KIF1B: variants seen among roughly 807,000 people sequenced by gnomAD.
KIF1B encodes kinesin family member 1B, also known as kinesin-like protein KIF1B.
A neutral mutation model predicts 241.9 loss-of-function variants in KIF1B; 76 were observed. The observed-to-expected ratio is 0.31, with a 90% CI of 0.26 to 0.38. The LOEUF (loss-of-function observed/expected upper bound fraction) is 0.38. KIF1B is among the 10% of genes least tolerant of loss of function. KIF1B has a pLI of 1.00. For missense variants in KIF1B, 1,622 were observed against 2,271.4 expected, an observed-to-expected ratio of 0.71 and a Z score of 5.81; for synonymous variants, 750 against 796.7, an observed-to-expected ratio of 0.94 and a Z score of 0.99.
chr1:10,330,322 A>G (rs1390789749), intron 27 of KIF1B, among the ~76,000 whole-genome samples: 2 of 152,260 alleles, frequency 1.3e-5, no homozygotes, highest in East Asian at 3.8e-4. Flanking sequence ...TCCCTGCCAT[A>G]GAATTACAGA....
At chr1:10,340,333 C>T (rs767928129) in intron 32 of KIF1B, among the ~76,000 whole-genome samples, 10 of 152,172 alleles carry the variant, frequency 6.6e-5, no homozygotes, top group Admixed American at 1.3e-4. Context: ...TGTATTCCTA[C>T]GTGGAGTAAG....
intron 22 of KIF1B, chr1:10,307,573 G>A: frequency 2.1e-6 from 2 of 952,766 alleles, no homozygotes; most frequent in Non-Finnish European, 2.5e-6. Flanking sequence ...GCCTCCCAAA[G>A]TGCTGAGATT....
At position 10,374,584 on chromosome 1, in the gene KIF1B, C is replaced by A; in HGVS notation, c.5096+119C>A. ...AGTCTGATGCAATCTGTACTGTAGT[C>A]TGATGCAAGTTGAGTCTGGGGTGAG... On this transcript the variant is annotated intron_variant, in intron 46 of 48. Transcript: ENST00000676179. This position sits in a 1 kb window ranked among gnomAD's most constrained non-coding sequence, Gnocchi z 4.3. The A allele has an allele frequency of 8.0e-7, 1 of 1,252,372 alleles. No homozygotes were observed. The highest frequency in any genetic ancestry group is 2.4e-5 in the East Asian group (1 of 42,536). 77.6% of individuals were successfully genotyped at this position (1,252,372 alleles called of 1,614,324 possible). A position where few individuals can be genotyped will look rare whatever the true frequency, so the allele number is the denominator to read the frequency against.
intron 1 of KIF1B, among the ~76,000 whole-genome samples, chr1:10,228,892 G>A (rs1404318686): frequency 6.6e-6 from 1 of 152,184 alleles, no homozygotes; most frequent in African/African-American, 2.4e-5. Context: ...GTTTCAAAGA[G>A]TAGTGACAAA....
intron 12 of KIF1B, 28 bp from the exon 13 acceptor site, chr1:10,277,958 C>G: frequency 1.9e-6 from 3 of 1,606,620 alleles, no homozygotes; most frequent in Non-Finnish European, 8.5e-7. Flanking sequence ...TGAGAAATGA[C>G]AAGAACAAAT....
Position 10,343,281 on chromosome 1 carries a change from A to G in KIF1B, c.3682A>G (p.Lys1228Glu). ...RFFPPPMPLSKPVPATKLNTM... is the reference protein window; with the variant it reads ...RFFPPPMPLSEPVPATKLNTM... ...CTTCCCTCCACCCATGCCACTGTCC[A>G]AGCCAGGTGAGCACTCGCTCCGCTT... is the stretch of plus-strand genomic sequence containing the variant. Residue 1228 changes from lysine (K) to glutamate (E), a missense_variant, in exon 34 of 49, where the codon AAG (lysine) becomes GAG (glutamate). Physicochemically the swap from Lys to Glu is moderately conservative, Grantham distance 56 (BLOSUM62 1). This residue lies in a region of KIF1B where 803 missense variants were observed against 1,112.0 expected (regional missense o/e 0.72). Transcript: ENST00000676179. The G allele has an allele frequency of 1.9e-6, 3 of 1,614,180 alleles. No individual in the cohort carries two copies. The highest frequency in any genetic ancestry group is 2.5e-6 in the Non-Finnish European group (3 of 1,180,012).
chr1:10,334,505 G>C lies in KIF1B; in HGVS notation c.2925-15G>C. 1 of 1,577,392 alleles carries C rather than the reference G, an allele frequency of 6.3e-7. No homozygotes were observed. The highest frequency in any genetic ancestry group is 8.7e-7 in the Non-Finnish European group (1 of 1,146,728). On this transcript the variant is annotated splice_polypyrimidine_tract_variant and intron_variant, in intron 27 of 48. Coordinates refer to ENST00000676179, the MANE Select transcript of KIF1B (RefSeq NM_001365951.3). ...ATGGATGTTCTGACATTTGTCTCCTGGTTTCTGTCTTTAGGGCATTTGTTT... is the reference window on the plus strand; with the variant it reads ...ATGGATGTTCTGACATTTGTCTCCTCGTTTCTGTCTTTAGGGCATTTGTTT...
chr1:10,223,919 T>C lies in KIF1B; in HGVS notation c.-79-8331T>C, dbSNP rs1646878472. The stretch of plus-strand genomic sequence containing the variant: ...GTTGTTTTGAGAAAGTAATTAAATA[T>C]AAACTTCTAAAAAGGATAGATGTTA... On this transcript the variant is annotated intron_variant, in intron 1 of 48. Transcript: ENST00000676179. 1.3e-5 allele frequency among the ~76,000 whole-genome samples: 2 copies of C among 152,202 alleles called. 1 individual carries two copies. Among genetic ancestry groups the C allele is most frequent in the South Asian group, 4.1e-4 (2 of 4,836 alleles).
intron 47 of KIF1B, 34 bp downstream of exon 47, chr1:10,375,080 A>T: frequency 6.2e-7 from 1 of 1,603,452 alleles, no homozygotes; most frequent in South Asian, 1.1e-5. Context: ...TCTTATTGCC[A>T]CGTGTGCCCT....
rs746129992 is a variant in KIF1B at position 10,303,312 on chromosome 1, T to G, written c.2115+6066T>G. On this transcript the variant is annotated intron_variant, in intron 22 of 48. Coordinates refer to ENST00000676179, the MANE Select transcript of KIF1B (RefSeq NM_001365951.3). The surrounding 1 kb of genome is among the most constrained non-coding windows in gnomAD (Gnocchi z 5.2). ...GCCTCCCAAGCAGTGGGAAGAAACG[T>G]GAACCAATTAAAATGTATCAGATAC... The G allele has an allele frequency of 1.1e-5, 18 of 1,614,056 alleles. No individual in the cohort carries two copies. In the Admixed American group the frequency reaches 1.7e-4, roughly 15 times the overall value.
chr1:10,314,458 C>T (rs1233949717), intron 22 of KIF1B, among the ~76,000 whole-genome samples: 24 of 151,174 alleles, frequency 1.6e-4, no homozygotes. Flanking sequence ...CTCGCTGTGT[C>T]CTCCAGGCTG....
intron 2 of KIF1B, among the ~76,000 whole-genome samples, chr1:10,253,692 T>A (rs928429206): frequency 6.6e-6 from 1 of 152,148 alleles, no homozygotes; most frequent in Non-Finnish European, 1.5e-5. Flanking sequence ...TCAGAGTAAG[T>A]GTTCTGTGAA....
chr1:10,216,952 A>ATTT (rs1557641590), intron 1 of KIF1B, among the ~76,000 whole-genome samples: 1 of 73,808 alleles, frequency 1.4e-5, no homozygotes, highest in Non-Finnish European at 2.6e-5. Context: ...GTACTTGCCC[A>ATTT]TTTTCTTTTT....
At position 10,365,619 on chromosome 1, in the gene KIF1B, G is replaced by A. The variant is rs756027011; in HGVS notation, c.4723G>A (p.Val1575Met). 9.9e-6 allele frequency: 16 copies of A among 1,614,036 alleles called. No individual in the cohort carries two copies. The East Asian group carries it at 3.6e-4, about 36-fold the overall frequency. The change falls in exon 43 of 49, where the codon GTG (valine) becomes ATG (methionine). Residue 1575 changes from valine (V) to methionine (M), a missense_variant. Physicochemically the swap from Val to Met is conservative, Grantham distance 21. Around this residue, in one of 7 missense-constraint regions of KIF1B, gnomAD observed 357 missense variants for 409.0 expected, o/e 0.87. Transcript: ENST00000676179. The surrounding 1 kb of genome is among the most constrained non-coding windows in gnomAD (Gnocchi z 4.0). ...TGATTCAGGAGACATCGAAAGCCTG[G>A]TGGACCGAGAGAAAGAGCTGGCTAC... ...GYDSGDIESLVDREKELATKC... is the reference protein window; with the variant it reads ...GYDSGDIESLMDREKELATKC...
intron 1 of KIF1B, among the ~76,000 whole-genome samples, chr1:10,223,893 G>C (rs1427541465): frequency 6.6e-6 from 1 of 152,084 alleles, no homozygotes; most frequent in Non-Finnish European, 1.5e-5. Flanking sequence ...TTTAGGTTTA[G>C]GTTGTTTTGA....
chr1:10,215,168 ATATATTTTTTTTTTTT>A (rs1332059158), intron 1 of KIF1B, among the ~76,000 whole-genome samples: 1 of 53,856 alleles, frequency 1.9e-5, no homozygotes, highest in African/African-American at 1.1e-4. Context: ...ATATATATAT[ATATATTTTTTTTTTTT>A]TTTTTTTTTG....
chr1:10,223,569 A>G, intron 1 of KIF1B, among the ~76,000 whole-genome samples: 1 of 133,936 alleles, frequency 7.5e-6, no homozygotes, highest in South Asian at 2.4e-4. Context: ...TTTTTTTTAG[A>G]CGGAGTCTTA....
intron 27 of KIF1B, among the ~76,000 whole-genome samples, chr1:10,329,051 A>G (rs1480951662): frequency 1.3e-5 from 2 of 152,200 alleles, no homozygotes; most frequent in Admixed American, 6.6e-5. Flanking sequence ...CTCTAGTTTT[A>G]TAGTTTTCTT....
intron 14 of KIF1B, among the ~76,000 whole-genome samples, chr1:10,280,689 C>T (rs1409285264): frequency 1.3e-5 from 2 of 152,202 alleles, no homozygotes; most frequent in Non-Finnish European, 2.9e-5. Context: ...TCTTGGACTG[C>T]AACAGCTCTG....
Sources: allele counts gnomAD v4.1 joint callset (sites outside exome capture counted in the v4.1 genomes callset), GRCh38; gene constraint gnomAD v4.1.1; regional missense constraint gnomAD v4.1.1; non-coding constraint Gnocchi (gnomAD v3.1); transcripts MANE v1.5; gene names NCBI Gene and HGNC (gene_info 2026-07-23, HGNC 2026-07-21).